The following ZNF28 variants were observed in gnomAD, a reference collection of about 807,000 sequenced individuals.
ZNF28 encodes the protein zinc finger protein KOX24.
ZNF28 carries 5 observed loss-of-function variants against 7.2 expected under a neutral mutation model. That is an observed-to-expected ratio of 0.70 (90% CI 0.36 to 1.46). The LOEUF (loss-of-function observed/expected upper bound fraction) is 1.46. Among genes scored for constraint, ZNF28 ranks in the 40% most tolerant of loss-of-function variants. The pLI, the probability that ZNF28 is intolerant of heterozygous loss-of-function variation, is 0.03. For synonymous variants in ZNF28, 288 were observed against 292.4 expected (o/e 0.99, Z 0.15); for missense variants, 879 against 866.6 (o/e 1.01, Z -0.18).
intron 2 of ZNF28, chr19:52,809,849 T>C (rs994730731): frequency 1.0e-4 from 60 of 581,414 alleles, no homozygotes; most frequent in Non-Finnish European, 1.7e-4. Flanking sequence ...GTGGCGGTGG[T>C]GGCAGTAGCA....
chr19:52,797,585 A>C lies in ZNF28; in HGVS notation c.*2103T>G. 6.5e-6 allele frequency: 1 copy of C among 152,762 alleles called. No homozygotes were observed. The highest frequency in any genetic ancestry group is 2.1e-4 in the South Asian group (1 of 4,826). 9.5% of individuals were successfully genotyped at this position (152,762 alleles called of 1,614,324 possible). On this transcript the variant is annotated 3_prime_UTR_variant, in exon 4 of 4. Coordinates refer to ENST00000457749, the MANE Select transcript of ZNF28 (RefSeq NM_006969.5). Reference sequence around the variant, plus strand: ...CATTAACATTAAATAATTTTAAAATAAAATTAAAAACCACTTCCATTTGCT... The same window carrying C: ...CATTAACATTAAATAATTTTAAAATCAAATTAAAAACCACTTCCATTTGCT...
intron 2 of ZNF28, among the ~76,000 whole-genome samples, chr19:52,809,203 T>C (rs1015673883): frequency 4.6e-5 from 7 of 152,124 alleles, no homozygotes; most frequent in Non-Finnish European, 1.0e-4. Context: ...GAAGAAGCAA[T>C]CACCCTTTCA....
intron 1 of ZNF28, among the ~76,000 whole-genome samples, chr19:52,819,236 T>C (rs1295115670): frequency 7.6e-6 from 1 of 131,628 alleles, no homozygotes; most frequent in East Asian, 2.1e-4. Context: ...AAGTGAAGAG[T>C]TGGGCTTTTG....
At chr19:52,802,039 A>AAT (rs2062879102) in intron 3 of ZNF28, among the ~76,000 whole-genome samples, 1 of 152,182 alleles carries the variant, frequency 6.6e-6, no homozygotes, top group Non-Finnish European at 1.5e-5. Context: ...AAAAAAGAAA[A>AAT]ATATATATTC....
chr19:52,809,834 C>CGGCGGCGGCGGT (rs1555805764), intron 2 of ZNF28: 264 of 555,750 alleles, frequency 4.8e-4, no homozygotes, highest in Non-Finnish European at 7.2e-4. Context: ...GCGGCGGCGG[C>CGGCGGCGGCGGT]GGCGGTGGCG....
chr19:52,821,138 A>G (rs1443848275), intron 1 of ZNF28, among the ~76,000 whole-genome samples: 2 of 151,974 alleles, frequency 1.3e-5, no homozygotes, highest in Non-Finnish European at 2.9e-5. Context: ...GGAGGTGGGG[A>G]GCGACGACGC....
chr19:52,815,184 G>C (rs918711655), intron 2 of ZNF28, among the ~76,000 whole-genome samples: 2 of 144,518 alleles, frequency 1.4e-5, no homozygotes, highest in African/African-American at 5.4e-5. Context: ...TGGTGGAAAG[G>C]ATACTTTGGC....
chr19:52,815,995 T>C (rs898687304), intron 2 of ZNF28, among the ~76,000 whole-genome samples: 4 of 146,872 alleles, frequency 2.7e-5, no homozygotes, highest in Non-Finnish European at 5.9e-5. Flanking sequence ...ACAACAGAAT[T>C]TTTTTTAAAG....
At chr19:52,806,195 T>A (rs1010634930) in intron 3 of ZNF28, among the ~76,000 whole-genome samples, 6 of 9,192 alleles carry the variant, frequency 6.5e-4, no homozygotes, top group Non-Finnish European at 3.2e-3. Context: ...GTTACAGAAT[T>A]TTTTTTTTCT....
Position 52,798,151 on chromosome 19 carries a change from G to T in ZNF28, c.*1537C>A, listed in dbSNP as rs1471929722. 6.4e-6 allele frequency: 1 copy of T among 156,810 alleles called. No homozygotes were observed. Among genetic ancestry groups the T allele is most frequent in the Non-Finnish European group, 1.4e-5 (1 of 71,436 alleles). The allele number at this position is 156,810 out of a possible 1,614,324, so 9.7% of individuals were successfully genotyped here. Reference sequence around the variant, plus strand: ...AAACAAAAACAAAAAAAAGAAAAAAGAAAGAAAGAATAGAAATGAAAACAC... The same window carrying T: ...AAACAAAAACAAAAAAAAGAAAAAATAAAGAAAGAATAGAAATGAAAACAC... On this transcript the variant is annotated 3_prime_UTR_variant, in exon 4 of 4. Coordinates refer to ENST00000457749, the MANE Select transcript of ZNF28 (RefSeq NM_006969.5).
chr19:52,810,233 G>A (rs2063001115), intron 2 of ZNF28: 9 of 1,173,634 alleles, frequency 7.7e-6, no homozygotes, highest in Admixed American at 1.7e-5. Context: ...AGAAGCAGAG[G>A]AATATGAGTC....
At chr19:52,806,981 T>C (rs1227563385) in intron 3 of ZNF28, among the ~76,000 whole-genome samples, 1 of 152,128 alleles carries the variant, frequency 6.6e-6, no homozygotes, top group Non-Finnish European at 1.5e-5. Context: ...TTCAGAGATG[T>C]GAGGATTTAA....
In ZNF28 at chr19:52,801,642, G is replaced by A. The variant is rs763412711; in HGVS notation, c.203C>T (p.Ala68Val). The A allele has an allele frequency of 7.4e-6, 12 of 1,613,388 alleles. No individual in the cohort carries two copies. The highest frequency in any genetic ancestry group is 2.2e-5 in the East Asian group (1 of 44,890). The change falls in exon 4 of 4, where the codon GCG becomes GTG. Residue 68 changes from alanine to valine, a missense_variant. By Grantham distance (64) the Ala-to-Val change is moderately conservative. Transcript: ENST00000457749. ...TCTTTGCAATGTCCCTGTGTGGAACGCTTCTGTATTGCCTTGCCCTGTTGA... is the reference window on the plus strand; with the variant it reads ...TCTTTGCAATGTCCCTGTGTGGAACACTTCTGTATTGCCTTGCCCTGTTGA... ...FFSTGQGNTEAFHTGTLQRQA... is the reference protein window; with the variant it reads ...FFSTGQGNTEVFHTGTLQRQA...
chr19:52,815,104 TA>T lies in ZNF28; in HGVS notation c.15+2839del, dbSNP rs1173227471. Among the ~76,000 whole-genome samples, 9 of 30,762 alleles carry T rather than the reference TA, an allele frequency of 2.9e-4. 1 individual carries two copies. The highest frequency in any genetic ancestry group is 7.2e-4 in the African/African-American group (9 of 12,566). 20.2% of individuals were successfully genotyped at this position (30,762 alleles called of 152,430 possible). A position where few individuals can be genotyped will look rare whatever the true frequency, so the allele number is the denominator to read the frequency against. ...GTATGTGTGTGTATATATATATTTA[TA>T]TATATATATAAAGGTTTTTAAAATA... On this transcript the variant is annotated intron_variant, in intron 2 of 3. Coordinates refer to ENST00000457749, the MANE Select transcript of ZNF28 (RefSeq NM_006969.5).
In ZNF28 at chr19:52,801,140, T is replaced by C. The variant is rs748488981; in HGVS notation, c.705A>G (p.Ile235Met). 9.3e-6 allele frequency: 15 copies of C among 1,614,038 alleles called. No homozygotes were observed. Among genetic ancestry groups the C allele is most frequent in the African/African-American group, 1.3e-5 (1 of 74,930 alleles). The change falls in exon 4 of 4, where the codon ATA becomes ATG. Residue 235 changes from isoleucine to methionine, a missense_variant. Physicochemically the swap from Ile to Met is conservative, Grantham distance 10. This residue lies in a region of ZNF28 where 864 missense variants were observed against 830.2 expected (regional missense o/e 1.04). Transcript: ENST00000457749. Reference protein sequence around the residue: ...NCSSLLKKHQITHLEEKQCKC... With the variant: ...NCSSLLKKHQMTHLEEKQCKC... ...TACATTGTTTCTCTTCTAAGTGGGT[T>C]ATCTGATGTTTTTTTAAAAGTGAGC... is the stretch of plus-strand genomic sequence containing the variant.
intron 3 of ZNF28, among the ~76,000 whole-genome samples, chr19:52,802,753 C>T (rs2062888308): frequency 7.1e-6 from 1 of 141,568 alleles, no homozygotes; most frequent in South Asian, 2.2e-4. Context: ...GGAACAGGCA[C>T]GTTGTGACTT....
chr19:52,814,073 A>C (rs1158793691), intron 2 of ZNF28, among the ~76,000 whole-genome samples: 2 of 146,614 alleles, frequency 1.4e-5, no homozygotes, highest in African/African-American at 5.3e-5. Flanking sequence ...TTTCTTCTAA[A>C]GCCTCATAAT....
Position 52,801,574 on chromosome 19 carries a change from C to T in ZNF28, c.271G>A (p.Glu91Lys). The T allele has an allele frequency of 6.2e-7, 1 of 1,614,148 alleles. No individual in the cohort carries two copies. The highest frequency in any genetic ancestry group is 2.2e-5 in the East Asian group (1 of 44,884). ...HIGDFCFQKI[E>K]KDIHGFQFQW... ...AACTGGAAGCCATGAATGTCTTTCT[C>T]AATTTTCTGGAAGCAAAAATCTCCA... Residue 91 changes from glutamate to lysine, a missense_variant, in exon 4 of 4, where the codon GAG becomes AAG. Physicochemically the swap from Glu to Lys is moderately conservative, Grantham distance 56. This residue lies in a region of ZNF28 where 864 missense variants were observed against 830.2 expected (regional missense o/e 1.04). Transcript: ENST00000457749.
chr19:52,808,249 G>A (rs1264016828), intron 2 of ZNF28, 116 bp from the exon 3 acceptor site: 14 of 1,519,264 alleles, frequency 9.2e-6, no homozygotes, highest in South Asian at 6.6e-5. Context: ...TCACAAATCC[G>A]AGTGACGGAT....
Sources: allele counts gnomAD v4.1 joint callset (sites outside exome capture counted in the v4.1 genomes callset), GRCh38; gene constraint gnomAD v4.1.1; regional missense constraint gnomAD v4.1.1; transcripts MANE v1.5; gene names NCBI Gene and HGNC (gene_info 2026-07-23, HGNC 2026-07-21).